LRP2: variants seen among roughly 807,000 people sequenced by gnomAD.
LRP2 encodes the protein LDL receptor related protein 2.
A neutral mutation model predicts 531.0 loss-of-function variants in LRP2; 172 were observed. The observed-to-expected ratio is 0.32, with a 90% CI of 0.29 to 0.37. LRP2 has a LOEUF of 0.37. Ranked by LOEUF, LRP2 falls within the 10% of genes least tolerant of loss-of-function variation. The probability of loss-of-function intolerance (pLI) is 1.00; values close to 1 mark genes in which losing one functional copy is unlikely to be tolerated. For missense variants in LRP2, 5,167 were observed against 5,868.3 expected, an observed-to-expected ratio of 0.88 and a Z score of 3.90; for synonymous variants, 1,992 against 2,027.6, an observed-to-expected ratio of 0.98 and a Z score of 0.47.
At chr2:169,165,865 A>T in intron 62 of LRP2, 67 bp downstream of exon 62, 2 of 1,600,404 alleles carry the variant, frequency 1.2e-6, no homozygotes, top group South Asian at 1.1e-5. Flanking sequence ...TCCCAGAGGC[A>T]CATTTTCCAA....
Position 169,362,362 on chromosome 2 carries a change from A to G in LRP2, c.38T>C (p.Leu13Pro). The change falls in exon 1 of 79, where the codon CTC becomes CCC. Residue 13 changes from leucine to proline, a missense_variant. Leu to Pro is a moderately conservative substitution (Grantham distance 98, BLOSUM62 -3). Around this residue, in one of 6 missense-constraint regions of LRP2, gnomAD observed 2,811 missense variants for 3,058.0 expected, o/e 0.92. Transcript: ENST00000649046. ...RGPAAVACTLLLALVACLAPA... is the reference protein window; with the variant it reads ...RGPAAVACTLPLALVACLAPA... ...CGCTAGGCAGGCGACGAGAGCCAGG[A>G]GCAGCGTGCACGCCACTGCTGCCGG... is the stretch of plus-strand genomic sequence containing the variant. 6.4e-7 allele frequency: 1 copy of G among 1,570,918 alleles called. No homozygotes were observed. Among genetic ancestry groups the G allele is most frequent in the Non-Finnish European group, 8.6e-7 (1 of 1,160,040 alleles).
chr2:169,176,729 G>T, intron 53 of LRP2, 141 bp from the exon 54 acceptor site: 1 of 772,690 alleles, frequency 1.3e-6, no homozygotes, highest in Non-Finnish European at 2.2e-6. Flanking sequence ...TTTCCCAAAA[G>T]TTCCTAAATA....
Position 169,326,161 on chromosome 2 carries a change from TCCCTCTCCCTCC to T in LRP2, c.80-5289_80-5278del, listed in dbSNP as rs1205560523. On this transcript the variant is annotated intron_variant, in intron 1 of 78. Transcript: ENST00000649046. ...CTCCCTCTCCCTCTCCCTCTCCCTC[TCCCTCTCCCTCC>T]CCCTCTCCCCTCTCCCCTCTCCCCT... 1.1e-3 allele frequency among the ~76,000 whole-genome samples: 51 copies of T among 46,674 alleles called. 3 individuals carry two copies. In the East Asian group the frequency reaches 0.027, roughly 25 times the overall value. The allele number at this position is 46,674 out of a possible 152,430, so 30.6% of individuals were successfully genotyped here. A position where few individuals can be genotyped will look rare whatever the true frequency, so the allele number is the denominator to read the frequency against.
At chr2:169,148,375 G>A (rs1685996064) in intron 68 of LRP2, among the ~76,000 whole-genome samples, 1 of 152,140 alleles carries the variant, frequency 6.6e-6, no homozygotes. Flanking sequence ...AACCGATTAT[G>A]ATGATGGATA....
chr2:169,162,056 A>G (rs1287913930), intron 63 of LRP2, among the ~76,000 whole-genome samples: 1 of 152,112 alleles, frequency 6.6e-6, no homozygotes, highest in Non-Finnish European at 1.5e-5. Flanking sequence ...CTCCCACCAT[A>G]ATGTGCAGAC....
intron 77 of LRP2, among the ~76,000 whole-genome samples, chr2:169,130,409 T>G (rs1473865433): frequency 6.6e-6 from 1 of 150,900 alleles, no homozygotes; most frequent in Non-Finnish European, 1.5e-5. Context: ...CACCTCAGCC[T>G]CCTGAATAGC....
chr2:169,166,162 A>G, intron 61 of LRP2, 108 bp from the exon 62 acceptor site: 3 of 1,103,114 alleles, frequency 2.7e-6, no homozygotes, highest in Middle Eastern at 4.0e-4. Flanking sequence ...TCATGCACTC[A>G]TTTACTCATT....
chr2:169,322,759 G>T (rs756798383), intron 1 of LRP2, among the ~76,000 whole-genome samples: 2 of 152,068 alleles, frequency 1.3e-5, no homozygotes, highest in Non-Finnish European at 2.9e-5. Flanking sequence ...AGGTTGTAAA[G>T]GTAGTATCTT....
rs1431527142 is a variant in LRP2 at position 169,169,715 on chromosome 2, A to G, written c.11484T>C (p.Asp3828=). The G allele has an allele frequency of 2.5e-6, 4 of 1,613,934 alleles. No homozygotes were observed. The African/African-American group carries it at 5.3e-5, about 22-fold the overall frequency. Residue 3828 remains aspartate, a synonymous_variant, in exon 60 of 79, where the codon GAT becomes GAC. Coordinates refer to ENST00000649046, the MANE Select transcript of LRP2 (RefSeq NM_004525.3). ...DGSADCLDAS[D]EADCPTRFPD... ...CTAGGGACTTACGACAATCAGCTTC[A>G]TCAGACGCATCCAAACAGTCAGCGG...
chr2:169,137,259 C>A, intron 76 of LRP2, 133 bp downstream of exon 76: 1 of 746,956 alleles, frequency 1.3e-6, no homozygotes, highest in South Asian at 1.4e-5. Flanking sequence ...GCAGATAGGG[C>A]AGCTGCAGCA....
At chr2:169,172,949 T>C (rs1337593578) in intron 57 of LRP2, 147 bp downstream of exon 57, 3 of 1,039,610 alleles carry the variant, frequency 2.9e-6, no homozygotes, top group African/African-American at 1.6e-5. Flanking sequence ...AAATGTAACA[T>C]GTTATTAGAA....
chr2:169,361,392 C>T (rs12986767), intron 1 of LRP2, among the ~76,000 whole-genome samples: 1 of 141,364 alleles, frequency 7.1e-6, no homozygotes, highest in Non-Finnish European at 1.5e-5. Context: ...CTCTCTCTCT[C>T]TCTGTCTCTC....
intron 9 of LRP2, among the ~76,000 whole-genome samples, chr2:169,287,603 G>T (rs535256449): frequency 1.3e-5 from 2 of 151,672 alleles, no homozygotes; most frequent in South Asian, 2.1e-4. Flanking sequence ...TTTATTTCTG[G>T]TATCAATACA....
chr2:169,216,979 G>C (rs904115994), intron 34 of LRP2, among the ~76,000 whole-genome samples: 1 of 152,154 alleles, frequency 6.6e-6, no homozygotes, highest in Non-Finnish European at 1.5e-5. Flanking sequence ...TTTTCTGTGA[G>C]AGTGGAATCT....
At position 169,265,555 on chromosome 2, in the gene LRP2, T is replaced by C. The variant is rs191178670; in HGVS notation, c.2320+5349A>G. On this transcript the variant is annotated intron_variant, in intron 16 of 78. Coordinates refer to ENST00000649046, the MANE Select transcript of LRP2 (RefSeq NM_004525.3). ...CATATCCATATCAAAGTCATATCCA[T>C]AGAAATGGTACTCAGAATGGCACTG... 2.0e-5 allele frequency among the ~76,000 whole-genome samples: 3 copies of C among 152,128 alleles called. No individual in the cohort carries two copies. The East Asian group carries it at 5.8e-4, about 29-fold the overall frequency.
At chr2:169,182,375 T>G in intron 50 of LRP2, 56 bp from the exon 51 acceptor site, 1 of 1,605,636 alleles carries the variant, frequency 6.2e-7, no homozygotes, top group Non-Finnish European at 8.5e-7. Flanking sequence ...ATGGTACATA[T>G]TTAGCCACCC....
intron 3 of LRP2, among the ~76,000 whole-genome samples, chr2:169,314,518 GATATA>G (rs1469244459): frequency 2.6e-5 from 4 of 151,980 alleles, no homozygotes; most frequent in African/African-American, 9.7e-5. Context: ...CATGTGATAA[GATATA>G]ATAATTATAA....
chr2:169,346,198 C>T (rs115293237), intron 1 of LRP2, among the ~76,000 whole-genome samples: 1,540 of 152,306 alleles, frequency 0.01, 25 homozygotes, highest in African/African-American at 0.035. Flanking sequence ...TCCTTCTTAG[C>T]CCAAGTCCCT....
intron 1 of LRP2, among the ~76,000 whole-genome samples, chr2:169,354,829 A>G (rs192002542): frequency 6.6e-6 from 1 of 152,338 alleles, no homozygotes; most frequent in Non-Finnish European, 1.5e-5. Context: ...AGTGCTAAGG[A>G]CACTCAGATG....
Sources: gnomAD v4.1 joint callset for allele counts (sites outside exome capture counted in the v4.1 genomes callset) on GRCh38, gnomAD v4.1.1 for gene constraint, gnomAD v4.1.1 regional missense constraint, MANE v1.5 for transcripts, NCBI Gene and HGNC (gene_info 2026-07-23, HGNC 2026-07-21) for gene names.